Variants in ARHGAP24 observed in about 807,000 individuals in gnomAD.
The protein encoded by ARHGAP24 is rho GTPase-activating protein 24.
Under a neutral mutation model 76.4 loss-of-function variants are expected in ARHGAP24, and 50 were observed. That is an observed-to-expected ratio of 0.65 (90% CI 0.52 to 0.83). ARHGAP24 has a LOEUF of 0.83. Ranked by LOEUF, ARHGAP24 falls within the 40% of genes least tolerant of loss-of-function variation. ARHGAP24 has a pLI of 0.00. For missense variants in ARHGAP24, 930 were observed against 914.2 expected (o/e 1.02, Z -0.22); for synonymous variants, 345 against 323.3 (o/e 1.07, Z -0.72).
At chr4:85,844,460 A>G (rs1396254238) in intron 3 of ARHGAP24, among the ~76,000 whole-genome samples, 8 of 152,254 alleles carry the variant, frequency 5.3e-5, no homozygotes, top group African/African-American at 1.9e-4. Flanking sequence ...TTACAGAATT[A>G]AATAAAAATA....
At chr4:85,922,804 C>A (rs371678763) in intron 3 of ARHGAP24, among the ~76,000 whole-genome samples, 1 of 152,146 alleles carries the variant, frequency 6.6e-6, no homozygotes, top group Non-Finnish European at 1.5e-5. Context: ...ACTGGGGAAA[C>A]TTAAATGCGC....
intron 8 of ARHGAP24, 38 bp downstream of exon 8, chr4:85,977,729 G>T: frequency 6.2e-7 from 1 of 1,607,860 alleles, no homozygotes; most frequent in African/African-American, 1.3e-5. Context: ...ATCAAAAGAA[G>T]AAGTAATTAT....
intron 2 of ARHGAP24, among the ~76,000 whole-genome samples, chr4:85,624,557 T>A (rs1397314349): frequency 6.6e-6 from 1 of 152,216 alleles, no homozygotes; most frequent in African/African-American, 2.4e-5. Flanking sequence ...CTTTTTTGGT[T>A]GTGTCTCTGC....
chr4:85,831,491 A>G (rs1729990894), intron 3 of ARHGAP24, among the ~76,000 whole-genome samples: 1 of 152,238 alleles, frequency 6.6e-6, no homozygotes, highest in African/African-American at 2.4e-5. Context: ...GATAAAGTAT[A>G]AAACCAACTG....
intron 3 of ARHGAP24, among the ~76,000 whole-genome samples, chr4:85,810,330 A>C (rs1728959025): frequency 6.6e-6 from 1 of 152,204 alleles, no homozygotes. Flanking sequence ...AGTGCTCTGC[A>C]AGGCCATGTC....
intron 3 of ARHGAP24, among the ~76,000 whole-genome samples, chr4:85,857,749 A>G (rs1731667623): frequency 6.6e-6 from 1 of 152,202 alleles, no homozygotes; most frequent in Admixed American, 6.6e-5. Flanking sequence ...ATTGTAAGAT[A>G]TACAATATTA....
chr4:85,930,900 A>G lies in ARHGAP24; in HGVS notation c.391+7130A>G, dbSNP rs780655517. The G allele has an allele frequency of 4.3e-5, 70 of 1,613,094 alleles. 1 individual carries two copies. The Admixed American group carries it at 5.2e-4, about 12-fold the overall frequency. On this transcript the variant is annotated intron_variant, in intron 4 of 9. Coordinates refer to ENST00000395184, the MANE Select transcript of ARHGAP24 (RefSeq NM_001025616.3). ...TCAGAGGCAGGTTTTAAAGGAAGCCAAAACCGGGTTCAGAACTTCAGGCCT... is the reference window on the plus strand; with the variant it reads ...TCAGAGGCAGGTTTTAAAGGAAGCCGAAACCGGGTTCAGAACTTCAGGCCT...
chr4:85,596,178 A>G (rs6814897), intron 2 of ARHGAP24, among the ~76,000 whole-genome samples: 125,765 of 151,874 alleles, frequency 0.83, 53,758 homozygotes, highest in East Asian at 0.98. Context: ...ATGCTTGGAA[A>G]TGTGCTTTAG....
intron 1 of ARHGAP24, among the ~76,000 whole-genome samples, chr4:85,551,030 T>C (rs932678542): frequency 2.0e-5 from 3 of 152,234 alleles, no homozygotes; most frequent in African/African-American, 7.2e-5. Context: ...TTCTTTCTCT[T>C]GCCTGATTTC....
chr4:85,832,473 A>G (rs1578273169), intron 3 of ARHGAP24, among the ~76,000 whole-genome samples: 1 of 152,248 alleles, frequency 6.6e-6, no homozygotes, highest in Non-Finnish European at 1.5e-5. Flanking sequence ...ATGACAAATC[A>G]TCAGAAATAC....
intron 3 of ARHGAP24, among the ~76,000 whole-genome samples, chr4:85,845,596 C>T (rs1730840380): frequency 6.6e-6 from 1 of 152,098 alleles, no homozygotes; most frequent in Non-Finnish European, 1.5e-5. Flanking sequence ...CTGTTCTTTC[C>T]CTTTTTGCTT....
chr4:85,937,749 A>G (rs346505), intron 4 of ARHGAP24, among the ~76,000 whole-genome samples: 69,481 of 151,950 alleles, frequency 0.46, 17,797 homozygotes, highest in African/African-American at 0.7. Context: ...TCAATGATTT[A>G]CCAACTAGGA....
At chr4:85,754,546 C>A (rs1290367051) in intron 3 of ARHGAP24, among the ~76,000 whole-genome samples, 1 of 152,096 alleles carries the variant, frequency 6.6e-6, no homozygotes, top group Non-Finnish European at 1.5e-5. Flanking sequence ...TTGAAATAGT[C>A]CTCAGAGAAG....
At chr4:85,715,436 G>C (rs756414039) in intron 2 of ARHGAP24, among the ~76,000 whole-genome samples, 1 of 151,978 alleles carries the variant, frequency 6.6e-6, no homozygotes, top group Admixed American at 6.6e-5. Flanking sequence ...TGTGTACCAG[G>C]CACTTTTGTA....
At chr4:85,875,653 T>G (rs1412343753) in intron 3 of ARHGAP24, among the ~76,000 whole-genome samples, 1 of 127,628 alleles carries the variant, frequency 7.8e-6, no homozygotes, top group African/African-American at 3.0e-5. Flanking sequence ...ATTTATATTA[T>G]ATATAATATA....
intron 4 of ARHGAP24, chr4:85,930,501 T>C: frequency 1.0e-6 from 1 of 998,816 alleles, no homozygotes; most frequent in South Asian, 4.4e-5. Flanking sequence ...TCCTCTTTCC[T>C]CTTGCACAGA....
chr4:85,941,709 C>CTTTTAA (rs1006084455), intron 4 of ARHGAP24, among the ~76,000 whole-genome samples: 1 of 152,054 alleles, frequency 6.6e-6, no homozygotes, highest in Non-Finnish European at 1.5e-5. Flanking sequence ...CATATTTCTG[C>CTTTTAA]TTTTAAGCTA....
intron 1 of ARHGAP24, among the ~76,000 whole-genome samples, chr4:85,502,550 G>A (rs1292444481): frequency 1.3e-5 from 2 of 152,204 alleles, no homozygotes; most frequent in East Asian, 3.8e-4. Context: ...GAATGCTTGT[G>A]AGTTTTACAC....
chr4:85,690,648 T>TGTATTTCTATAGGTTCTATA (rs1723616908), intron 2 of ARHGAP24, among the ~76,000 whole-genome samples: 1 of 151,998 alleles, frequency 6.6e-6, no homozygotes, highest in Admixed American at 6.6e-5. Context: ...TCTATAGGTT[T>TGTATTTCTATAGGTTCTATA]AGTTGTAATG....
Sources: gnomAD v4.1 joint callset for allele counts (sites outside exome capture counted in the v4.1 genomes callset) on GRCh38, gnomAD v4.1.1 for gene constraint, MANE v1.5 for transcripts, NCBI Gene and HGNC (gene_info 2026-07-23, HGNC 2026-07-21) for gene names.